Variants in OSTN observed in about 807,000 individuals in gnomAD.
The protein encoded by OSTN is osteocrin.
Under a neutral mutation model 12.0 loss-of-function variants are expected in OSTN, and 9 were observed. The ratio of observed to expected loss-of-function variants is 0.75; its 90% CI spans 0.45 to 1.30. OSTN has a LOEUF of 1.30. OSTN is among the 50% of genes most tolerant of loss of function. The pLI is 0.00. For synonymous variants in OSTN, 59 were observed against 56.9 expected (o/e 1.04, Z -0.16); for missense variants, 148 against 152.3 (o/e 0.97, Z 0.15).
chr3:191,210,207 C>T (rs905809703), intron 1 of OSTN, among the ~76,000 whole-genome samples: 1 of 152,204 alleles, frequency 6.6e-6, no homozygotes, highest in Non-Finnish European at 1.5e-5. Flanking sequence ...CGATAACTCA[C>T]TCTCAGGAGA....
At position 191,218,781 on chromosome 3, in the gene OSTN, C is replaced by A; in HGVS notation, c.137C>A (p.Thr46Lys). 6.2e-7 allele frequency: 1 copy of A among 1,614,040 alleles called. No homozygotes were observed. Among genetic ancestry groups the A allele is most frequent in the Non-Finnish European group, 8.5e-7 (1 of 1,179,960 alleles). Residue 46 changes from threonine to lysine, a missense_variant, in exon 3 of 5, where the codon ACA becomes AAA. Coordinates refer to ENST00000682035, the MANE Select transcript of OSTN (RefSeq NM_198184.2). The stretch of plus-strand genomic sequence containing the variant: ...TCTGGAGTCATAGATGTGCAGTCAA[C>A]ACCCACAGTCAGGGAAGAGAAATCA... ...FDSGVIDVQS[T>K]PTVREEKSAT...
At position 191,265,170 on chromosome 3, in the gene OSTN, T is replaced by C. The variant is rs1395380077; in HGVS notation, c.*2317T>C. On this transcript the variant is annotated 3_prime_UTR_variant, in exon 5 of 5. Transcript: ENST00000682035. ...TTAAGAATATGACAAGTCATCTCAC[T>C]TATTTATCCAATGCATTAGGTATTA... The C allele has an allele frequency of 6.6e-6, 1 of 152,178 alleles. No homozygotes were observed. Among genetic ancestry groups the C allele is most frequent in the Non-Finnish European group, 1.5e-5 (1 of 68,000 alleles). 9.4% of individuals were successfully genotyped at this position (152,178 alleles called of 1,614,324 possible).
chr3:191,221,111 G>A (rs1714751319), intron 3 of OSTN, among the ~76,000 whole-genome samples: 1 of 152,084 alleles, frequency 6.6e-6, no homozygotes, highest in African/African-American at 2.4e-5. Flanking sequence ...CTTTCGCTCT[G>A]CTCTTCTCCT....
intron 4 of OSTN, among the ~76,000 whole-genome samples, chr3:191,260,204 A>T (rs1715776017): frequency 6.8e-6 from 1 of 146,780 alleles, no homozygotes; most frequent in African/African-American, 2.5e-5. Context: ...GATATCTCTA[A>T]TTTTTTTTTT....
chr3:191,250,073 C>T lies in OSTN; in HGVS notation c.354C>T (p.Ile118=). Reference sequence around the variant, plus strand: ...ATCATCCAAAAAGGCGATTTGGTATCCCCATGGATCGGATTGGTAGAAACC... The same window carrying T: ...ATCATCCAAAAAGGCGATTTGGTATTCCCATGGATCGGATTGGTAGAAACC... ...VVDHPKRRFG[I]PMDRIGRNRL... The change falls in exon 4 of 5, where the codon ATC becomes ATT. Residue 118 remains isoleucine, a synonymous_variant. Coordinates refer to ENST00000682035, the MANE Select transcript of OSTN (RefSeq NM_198184.2). 6.2e-7 allele frequency: 1 copy of T among 1,613,798 alleles called. No homozygotes were observed. The highest frequency in any genetic ancestry group is 8.5e-7 in the Non-Finnish European group (1 of 1,179,762).
chr3:191,244,176 C>T (rs1364562451), intron 3 of OSTN, among the ~76,000 whole-genome samples: 1 of 152,008 alleles, frequency 6.6e-6, no homozygotes, highest in African/African-American at 2.4e-5. Context: ...AAACATTTTT[C>T]CACCTGCTGT....
chr3:191,201,667 A>G (rs1447224041), intron 1 of OSTN, among the ~76,000 whole-genome samples: 2 of 152,104 alleles, frequency 1.3e-5, no homozygotes, highest in South Asian at 4.1e-4. Context: ...AGTGATTTCT[A>G]TTTATAACTC....
intron 3 of OSTN, among the ~76,000 whole-genome samples, chr3:191,227,700 T>C (rs1714947928): frequency 6.6e-6 from 1 of 152,188 alleles, no homozygotes; most frequent in South Asian, 2.1e-4. Context: ...GGAGGCTTAC[T>C]GCATCCTTTA....
At chr3:191,225,922 G>A (rs1051102589) in intron 3 of OSTN, among the ~76,000 whole-genome samples, 4 of 151,886 alleles carry the variant, frequency 2.6e-5, no homozygotes, top group African/African-American at 9.7e-5. Flanking sequence ...CCCCAGCATC[G>A]CCCAATAAAC....
At chr3:191,256,769 A>AAG (rs1715679799) in intron 4 of OSTN, among the ~76,000 whole-genome samples, 1 of 113,564 alleles carries the variant, frequency 8.8e-6, no homozygotes, top group Admixed American at 9.3e-5. Flanking sequence ...AGCTAATTTT[A>AAG]ATAAGTTTAT....
intron 4 of OSTN, among the ~76,000 whole-genome samples, chr3:191,252,936 G>A (rs778181005): frequency 1.3e-5 from 2 of 152,112 alleles, no homozygotes; most frequent in Admixed American, 6.6e-5. Flanking sequence ...AAAACATAAA[G>A]TTTCATTTAA....
chr3:191,213,123 C>A (rs2108591269), intron 2 of OSTN, among the ~76,000 whole-genome samples: 1 of 152,222 alleles, frequency 6.6e-6, no homozygotes, highest in African/African-American at 2.4e-5. Context: ...CCCGCCTCAA[C>A]CTTCCAAAGT....
intron 1 of OSTN, among the ~76,000 whole-genome samples, chr3:191,201,507 G>A (rs1468066153): frequency 1.3e-5 from 2 of 152,078 alleles, no homozygotes; most frequent in African/African-American, 4.8e-5. Context: ...GTTCACTTTA[G>A]GTGGCACAAT....
intron 2 of OSTN, among the ~76,000 whole-genome samples, chr3:191,217,888 A>C (rs1714663663): frequency 6.6e-6 from 1 of 152,006 alleles, no homozygotes; most frequent in Non-Finnish European, 1.5e-5. Flanking sequence ...TGAGTTAGTA[A>C]ATGATGAATG....
chr3:191,262,022 G>A (rs555631462), intron 4 of OSTN, among the ~76,000 whole-genome samples: 5 of 152,110 alleles, frequency 3.3e-5, no homozygotes, highest in Non-Finnish European at 7.3e-5. Context: ...TTTGAGACCC[G>A]CCCGGCGAAC....
chr3:191,215,859 C>A (rs1026177660), intron 2 of OSTN, among the ~76,000 whole-genome samples: 18 of 152,110 alleles, frequency 1.2e-4, no homozygotes, highest in African/African-American at 4.3e-4. Flanking sequence ...ATGCACAGTG[C>A]AAGCTGTCGG....
intron 4 of OSTN, among the ~76,000 whole-genome samples, chr3:191,261,504 C>A (rs1219266821): frequency 2.0e-5 from 3 of 152,136 alleles, no homozygotes; most frequent in African/African-American, 7.2e-5. Flanking sequence ...TGTTTCTTTT[C>A]AGACCTCTGA....
At chr3:191,245,225 G>A (rs1193651621) in intron 3 of OSTN, among the ~76,000 whole-genome samples, 3 of 152,170 alleles carry the variant, frequency 2.0e-5, no homozygotes, top group African/African-American at 7.2e-5. Context: ...AATGTAAAAT[G>A]TGAACCCTGA....
At chr3:191,243,505 C>T (rs73199668) in intron 3 of OSTN, among the ~76,000 whole-genome samples, 36,944 of 151,976 alleles carry the variant, frequency 0.24, 5,338 homozygotes, top group East Asian at 0.38. Flanking sequence ...TCTCAAAACA[C>T]ATAATATTTG....
Sources: allele counts gnomAD v4.1 joint callset (sites outside exome capture counted in the v4.1 genomes callset), GRCh38; gene constraint gnomAD v4.1.1; transcripts MANE v1.5; gene names NCBI Gene and HGNC (gene_info 2026-07-23, HGNC 2026-07-21).